TMEM170B: variants seen among roughly 807,000 people sequenced by gnomAD.
TMEM170B encodes the protein transmembrane protein 170B.
Under a neutral mutation model 13.0 loss-of-function variants are expected in TMEM170B, and 6 were observed. The ratio of observed to expected loss-of-function variants is 0.46; its 90% CI spans 0.25 to 0.91. TMEM170B has a LOEUF of 0.91. Ranked by LOEUF, TMEM170B falls within the 40% of genes least tolerant of loss-of-function variation. The pLI, the probability that TMEM170B is intolerant of heterozygous loss-of-function variation, is 0.17. For synonymous variants in TMEM170B, 61 were observed against 64.9 expected (o/e 0.94, Z 0.29); for missense variants, 138 against 165.2 (o/e 0.84, Z 0.90).
chr6:11,580,907 T>C lies in TMEM170B; in HGVS notation c.*5346T>C, dbSNP rs1759947867. 6.6e-6 allele frequency: 1 copy of C among 152,260 alleles called. No homozygotes were observed. Among genetic ancestry groups the C allele is most frequent in the South Asian group, 2.1e-4 (1 of 4,828 alleles). 9.4% of individuals were successfully genotyped at this position (152,260 alleles called of 1,614,324 possible). A position where few individuals can be genotyped will look rare whatever the true frequency, so the allele number is the denominator to read the frequency against. ...ACCACCGTGCATTTTGAAATTGTATTGCATTTTGTGTGTGTGTGTGGTGAC... is the reference window on the plus strand; with the variant it reads ...ACCACCGTGCATTTTGAAATTGTATCGCATTTTGTGTGTGTGTGTGGTGAC... On this transcript the variant is annotated 3_prime_UTR_variant, in exon 3 of 3. Transcript: ENST00000379426.
rs566362656 is a variant in TMEM170B at position 11,583,027 on chromosome 6, A to G, written c.*7466A>G. On this transcript the variant is annotated 3_prime_UTR_variant, in exon 3 of 3. Transcript: ENST00000379426. ...TTTTTTATTTCCCAATTCATGTACA[A>G]ATCTCATTATGTATATAGCATAATT... The G allele has an allele frequency of 2.0e-5, 3 of 152,282 alleles. No individual in the cohort carries two copies. The East Asian group carries it at 5.8e-4, about 29-fold the overall frequency. The allele number at this position is 152,282 out of a possible 1,614,324, so 9.4% of individuals were successfully genotyped here.
chr6:11,552,096 C>T (rs1489507217), intron 1 of TMEM170B, among the ~76,000 whole-genome samples: 1 of 152,114 alleles, frequency 6.6e-6, no homozygotes, highest in Non-Finnish European at 1.5e-5. Context: ...TAGAACAAGG[C>T]CTAGGATGCT....
intron 1 of TMEM170B, among the ~76,000 whole-genome samples, chr6:11,548,632 A>T (rs1384179265): frequency 1.3e-5 from 2 of 152,218 alleles, no homozygotes; most frequent in Non-Finnish European, 2.9e-5. Flanking sequence ...ACGTATGTTT[A>T]TTGTGGCACT....
At chr6:11,569,549 G>C (rs1336926444) in intron 2 of TMEM170B, among the ~76,000 whole-genome samples, 1 of 152,152 alleles carries the variant, frequency 6.6e-6, no homozygotes, top group Non-Finnish European at 1.5e-5. Context: ...ATTCAGTTCT[G>C]CCAAGGTAGT....
intron 1 of TMEM170B, among the ~76,000 whole-genome samples, chr6:11,540,389 C>T (rs1480633403): frequency 2.0e-5 from 3 of 152,194 alleles, no homozygotes; most frequent in Admixed American, 6.5e-5. Context: ...GTCATTTCCA[C>T]GGTGTTCACA....
chr6:11,565,713 G>A lies in TMEM170B; in HGVS notation c.145G>A (p.Val49Ile). 6.2e-7 allele frequency: 1 copy of A among 1,614,138 alleles called. No homozygotes were observed. The highest frequency in any genetic ancestry group is 8.5e-7 in the Non-Finnish European group (1 of 1,180,008). ...FLWALFSSLF[V>I]HGAAGVLMFV... ...CTGGGCTCTCTTCTCTTCTCTGTTTGTCCATGGTGCTGCAGGAGTGTTGAT... is the reference window on the plus strand; with the variant it reads ...CTGGGCTCTCTTCTCTTCTCTGTTTATCCATGGTGCTGCAGGAGTGTTGAT... Residue 49 changes from valine (V) to isoleucine (I), a missense_variant, in exon 2 of 3, where the codon GTC becomes ATC. Coordinates refer to ENST00000379426, the MANE Select transcript of TMEM170B (RefSeq NM_001100829.3).
Position 11,565,653 on chromosome 6 carries a change from C to G in TMEM170B, c.98-13C>G. 6.8e-6 allele frequency: 11 copies of G among 1,613,616 alleles called. No individual in the cohort carries two copies. The highest frequency in any genetic ancestry group is 9.3e-6 in the Non-Finnish European group (11 of 1,179,674). ...GTTTCAACAGATGATTAATACTTTG[C>G]TTTTCCTTTCAGAGATGTGGTACTG... On this transcript the variant is annotated splice_polypyrimidine_tract_variant and intron_variant, in intron 1 of 2. Transcript: ENST00000379426.
intron 1 of TMEM170B, among the ~76,000 whole-genome samples, chr6:11,565,245 C>A (rs1223739992): frequency 6.6e-6 from 1 of 152,106 alleles, no homozygotes; most frequent in Non-Finnish European, 1.5e-5. Flanking sequence ...TGACTGATTT[C>A]TGGAATGATT....
intron 1 of TMEM170B, among the ~76,000 whole-genome samples, chr6:11,541,276 A>G (rs558481632): frequency 6.6e-6 from 1 of 152,272 alleles, no homozygotes; most frequent in East Asian, 1.9e-4. Flanking sequence ...AGGCTGTTTA[A>G]TCTACATGGA....
intron 1 of TMEM170B, 100 bp downstream of exon 1, chr6:11,538,474 T>C (rs1371486501): frequency 5.6e-6 from 5 of 891,620 alleles, no homozygotes; most frequent in Non-Finnish European, 8.1e-6. Context: ...CCCACCCCCG[T>C]GCGCGCCCCG....
intron 2 of TMEM170B, among the ~76,000 whole-genome samples, chr6:11,572,901 T>G (rs538858976): frequency 3.6e-4 from 55 of 152,322 alleles, no homozygotes; most frequent in African/African-American, 1.3e-3. Flanking sequence ...TAAGTTATTT[T>G]TATTTCAGTT....
chr6:11,537,787 G>A lies in TMEM170B; in HGVS notation c.-491G>A, dbSNP rs1193276474. On this transcript the variant is annotated 5_prime_UTR_variant, in exon 1 of 3. Coordinates refer to ENST00000379426, the MANE Select transcript of TMEM170B (RefSeq NM_001100829.3). The stretch of plus-strand genomic sequence containing the variant: ...CGACCCGAGGGCGGGCAGGCGGGCG[G>A]CAGGTGCCGCCGCAGCCTCTGGCTG... Among the ~76,000 whole-genome samples, 9 of 151,346 alleles carry A rather than the reference G, an allele frequency of 5.9e-5. No homozygotes were observed. The highest frequency in any genetic ancestry group is 5.9e-4 in the Admixed American group (9 of 15,232).
At position 11,565,892 on chromosome 6, in the gene TMEM170B, G is replaced by T; in HGVS notation, c.268+56G>T. 5.2e-6 allele frequency: 8 copies of T among 1,551,402 alleles called. No individual in the cohort carries two copies. The South Asian group carries it at 8.9e-5, about 17-fold the overall frequency. On this transcript the variant is annotated intron_variant, in intron 2 of 2. Transcript: ENST00000379426. ...AAGTTTGTATACACTTACCATTTTG[G>T]TAGCTGTGTTCTTATTATACATGTA...
intron 1 of TMEM170B, among the ~76,000 whole-genome samples, chr6:11,556,399 T>G (rs1759587396): frequency 6.6e-6 from 1 of 152,212 alleles, no homozygotes; most frequent in African/African-American, 2.4e-5. Flanking sequence ...TCAGTGGCAA[T>G]GCTCCATTGT....
intron 2 of TMEM170B, among the ~76,000 whole-genome samples, chr6:11,574,401 TAATC>T (rs1759846209): frequency 6.6e-6 from 1 of 152,118 alleles, no homozygotes; most frequent in Admixed American, 6.6e-5. Flanking sequence ...TACAAATAAT[TAATC>T]TTTAGCTAAT....
At chr6:11,551,891 T>G (rs2113767920) in intron 1 of TMEM170B, among the ~76,000 whole-genome samples, 1 of 152,308 alleles carries the variant, frequency 6.6e-6, no homozygotes, top group South Asian at 2.1e-4. Flanking sequence ...GTTGCTGCTC[T>G]TGGGTGCCTT....
chr6:11,581,470 C>T lies in TMEM170B; in HGVS notation c.*5909C>T, dbSNP rs1054484341. 1.2e-4 allele frequency: 18 copies of T among 152,308 alleles called. No individual in the cohort carries two copies. The highest frequency in any genetic ancestry group is 3.6e-4 in the African/African-American group (15 of 41,566). The allele number at this position is 152,308 out of a possible 1,614,324, so 9.4% of individuals were successfully genotyped here. A position where few individuals can be genotyped will look rare whatever the true frequency, so the allele number is the denominator to read the frequency against. The stretch of plus-strand genomic sequence containing the variant: ...TACATTTTTACGATTATGTACTGCA[C>T]CCACATGTATCTACTCTTGGTAGTA... On this transcript the variant is annotated 3_prime_UTR_variant, in exon 3 of 3. Coordinates refer to ENST00000379426, the MANE Select transcript of TMEM170B (RefSeq NM_001100829.3).
At chr6:11,550,682 C>T (rs1272198700) in intron 1 of TMEM170B, among the ~76,000 whole-genome samples, 1 of 152,068 alleles carries the variant, frequency 6.6e-6, no homozygotes, top group Non-Finnish European at 1.5e-5. Flanking sequence ...TCATTTGAGC[C>T]TCACAATAAT....
intron 1 of TMEM170B, among the ~76,000 whole-genome samples, chr6:11,550,126 C>T (rs984657091): frequency 6.6e-6 from 1 of 151,902 alleles, no homozygotes; most frequent in African/African-American, 2.4e-5. Context: ...GCACGAGCCA[C>T]AGTGCCCTGC....
Sources: allele counts gnomAD v4.1 joint callset (sites outside exome capture counted in the v4.1 genomes callset), GRCh38; gene constraint gnomAD v4.1.1; transcripts MANE v1.5; gene names NCBI Gene and HGNC (gene_info 2026-07-23, HGNC 2026-07-21).